Variants in TTBK2 observed in about 807,000 individuals in gnomAD.
TTBK2 encodes tau-tubulin kinase 2.
A neutral mutation model predicts 110.8 loss-of-function variants in TTBK2; 28 were observed. That is an observed-to-expected ratio of 0.25 (90% CI 0.19 to 0.35). The LOEUF (loss-of-function observed/expected upper bound fraction) is 0.35, where lower values mean the gene tolerates loss of function less well. TTBK2 is among the 10% of genes least tolerant of loss of function. The pLI is 1.00. For missense variants in TTBK2, 1,369 were observed against 1,500.3 expected (o/e 0.91, Z 1.45); for synonymous variants, 532 against 527.3 (o/e 1.01, Z -0.12).
chr15:42,888,713 A>T (rs1053413609), intron 1 of TTBK2, among the ~76,000 whole-genome samples: 1 of 152,076 alleles, frequency 6.6e-6, no homozygotes, highest in Non-Finnish European at 1.5e-5. Context: ...GTCCTCCATC[A>T]TTGATGTCTC....
chr15:42,811,883 T>C (rs568787346), intron 7 of TTBK2, 103 bp from the exon 8 acceptor site: 66 of 968,652 alleles, frequency 6.8e-5, no homozygotes, highest in South Asian at 1.2e-4. Context: ...AGGCTAAAAA[T>C]GTAAATTTAT....
chr15:42,787,919 A>G (rs1156403909), intron 10 of TTBK2, among the ~76,000 whole-genome samples: 2 of 152,100 alleles, frequency 1.3e-5, no homozygotes, highest in Non-Finnish European at 2.9e-5. Context: ...AAAAAACTAT[A>G]TTGTATAGCC....
At chr15:42,748,452 G>A (rs970778687) in intron 14 of TTBK2, among the ~76,000 whole-genome samples, 14 of 151,234 alleles carry the variant, frequency 9.3e-5, no homozygotes, top group East Asian at 5.8e-4. Context: ...GCAAGATTCC[G>A]TCTCAAAAGA....
Position 42,752,071 on chromosome 15 carries a change from A to G in TTBK2, c.3175T>C (p.Trp1059Arg). ...RKSKIPRPVSWVNTDQVNSST... is the reference protein window; with the variant it reads ...RKSKIPRPVSRVNTDQVNSST... ...CTATTGACCTGATCTGTGTTGACCC[A>G]TGAAACTGGCCTTGGAATTTTGCTC... Residue 1059 changes from tryptophan (W) to arginine (R), a missense_variant, in exon 14 of 15, where the codon TGG becomes CGG. Coordinates refer to ENST00000267890, the MANE Select transcript of TTBK2 (RefSeq NM_173500.4). The G allele has an allele frequency of 6.2e-7, 1 of 1,614,232 alleles. No homozygotes were observed. Among genetic ancestry groups the G allele is most frequent in the Non-Finnish European group, 8.5e-7 (1 of 1,180,038 alleles).
At chr15:42,803,698 T>G (rs992598755) in intron 9 of TTBK2, among the ~76,000 whole-genome samples, 3 of 152,078 alleles carry the variant, frequency 2.0e-5, no homozygotes, top group Non-Finnish European at 4.4e-5. Flanking sequence ...ATAAAAGAAG[T>G]TCTATTAACA....
intron 13 of TTBK2, among the ~76,000 whole-genome samples, chr15:42,758,654 C>CAAAAAAAA (rs59064527): frequency 1.5e-5 from 1 of 66,474 alleles, no homozygotes; most frequent in Admixed American, 1.8e-4. Context: ...GATTCCATCT[C>CAAAAAAAA]AAAAAAAAAA....
chr15:42,874,458 A>C (rs1894733483), intron 2 of TTBK2, among the ~76,000 whole-genome samples: 1 of 151,790 alleles, frequency 6.6e-6, no homozygotes, highest in Non-Finnish European at 1.5e-5. Flanking sequence ...CTGGGATTAC[A>C]GGTGTGCACC....
intron 10 of TTBK2, among the ~76,000 whole-genome samples, chr15:42,792,023 G>A (rs1890710876): frequency 1.3e-5 from 2 of 152,082 alleles, no homozygotes; most frequent in Admixed American, 1.3e-4. Context: ...TGTAATTCCA[G>A]CTACTCGGAA....
intron 7 of TTBK2, among the ~76,000 whole-genome samples, chr15:42,814,261 T>C (rs1404604363): frequency 1.3e-5 from 2 of 152,250 alleles, no homozygotes; most frequent in Non-Finnish European, 2.9e-5. Flanking sequence ...GTCCTTGTAT[T>C]ATTTAAGAAT....
At position 42,739,812 on chromosome 15, in the gene TTBK2, C is replaced by A. The variant is rs983815271; in HGVS notation, c.*5983G>T. ...TCAAGTTCTGGTAGCCTTGTTTACCCCTTGTAGGCGAGTGAAGAATGCCCA... is the reference window on the plus strand; with the variant it reads ...TCAAGTTCTGGTAGCCTTGTTTACCACTTGTAGGCGAGTGAAGAATGCCCA... On this transcript the variant is annotated 3_prime_UTR_variant, in exon 15 of 15. Transcript: ENST00000267890. 1.3e-5 allele frequency: 2 copies of A among 152,144 alleles called. No individual in the cohort carries two copies. Among genetic ancestry groups the A allele is most frequent in the African/African-American group, 4.8e-5 (2 of 41,440 alleles). 9.4% of individuals were successfully genotyped at this position (152,144 alleles called of 1,614,324 possible). A position where few individuals can be genotyped will look rare whatever the true frequency, so the allele number is the denominator to read the frequency against.
At chr15:42,821,660 G>T (rs941777361) in intron 6 of TTBK2, among the ~76,000 whole-genome samples, 2 of 150,176 alleles carry the variant, frequency 1.3e-5, no homozygotes, top group African/African-American at 4.9e-5. Flanking sequence ...GTAGGCAGTG[G>T]TATCTTGCCA....
intron 5 of TTBK2, among the ~76,000 whole-genome samples, chr15:42,829,366 AT>A (rs1400703158): frequency 1.3e-5 from 2 of 152,208 alleles, no homozygotes; most frequent in African/African-American, 2.4e-5. Context: ...ATTTCTTATA[AT>A]TTTTGACTTA....
intron 7 of TTBK2, 85 bp downstream of exon 7, chr15:42,816,945 TAA>T: frequency 2.2e-6 from 1 of 462,912 alleles, no homozygotes; most frequent in Non-Finnish European, 3.0e-6. Context: ...TATATATATA[TAA>T]AATAATAATA....
At position 42,743,280 on chromosome 15, in the gene TTBK2, A is replaced by G. The variant is rs559975620; in HGVS notation, c.*2515T>C. 4.6e-5 allele frequency: 7 copies of G among 152,366 alleles called. No homozygotes were observed. Among genetic ancestry groups the G allele is most frequent in the Admixed American group, 1.3e-4 (2 of 15,310 alleles). The allele number at this position is 152,366 out of a possible 1,614,324, so 9.4% of individuals were successfully genotyped here. A position where few individuals can be genotyped will look rare whatever the true frequency, so the allele number is the denominator to read the frequency against. ...GGGACAACACACTAGAAAAGTTGAG[A>G]TAAAAATGGAAGGAACCAAGAAAGA... On this transcript the variant is annotated 3_prime_UTR_variant, in exon 15 of 15. Coordinates refer to ENST00000267890, the MANE Select transcript of TTBK2 (RefSeq NM_173500.4).
Position 42,811,723 on chromosome 15 carries a change from C to G in TTBK2, c.661G>C (p.Val221Leu). Residue 221 changes from valine to leucine, a missense_variant, in exon 8 of 15, where the codon GTT (valine) becomes CTT (leucine). By Grantham distance (32) the Val-to-Leu change is conservative. Around this residue, in one of 4 missense-constraint regions of TTBK2, gnomAD observed 138 missense variants for 179.0 expected, o/e 0.77. Transcript: ENST00000267890. ...SLFYMLVEFVVGQLPWRKIKD... is the reference protein window; with the variant it reads ...SLFYMLVEFVLGQLPWRKIKD... ...ATTTTTCTCCAGGGCAGCTGACCAA[C>G]CACAAACTCCACCAACATGTAGAAT... 6.2e-7 allele frequency: 1 copy of G among 1,613,708 alleles called. No individual in the cohort carries two copies. The highest frequency in any genetic ancestry group is 8.5e-7 in the Non-Finnish European group (1 of 1,179,802).
At chr15:42,831,309 T>A (rs1243712789) in intron 4 of TTBK2, among the ~76,000 whole-genome samples, 1 of 152,192 alleles carries the variant, frequency 6.6e-6, no homozygotes, top group East Asian at 1.9e-4. Context: ...TTGTCTCCCA[T>A]CTCAGCCTCC....
chr15:42,840,715 A>T, intron 3 of TTBK2: 1 of 469,782 alleles, frequency 2.1e-6, no homozygotes, highest in Non-Finnish European at 3.9e-6. Context: ...GGAGGAAAAG[A>T]TTAAGTGGTC....
chr15:42,745,665 A>T lies in TTBK2; in HGVS notation c.*130T>A. 1.8e-6 allele frequency: 2 copies of T among 1,119,106 alleles called. No individual in the cohort carries two copies. The highest frequency in any genetic ancestry group is 2.7e-6 in the Non-Finnish European group (2 of 742,140). 69.3% of individuals were successfully genotyped at this position (1,119,106 alleles called of 1,614,324 possible). ...TCATGTATTATGTCTTCTTATAAAT[A>T]ATTGATCATGTTACTTTCTTTTGCA... On this transcript the variant is annotated 3_prime_UTR_variant, in exon 15 of 15. Transcript: ENST00000267890.
chr15:42,912,248 C>T (rs2030801230), intron 1 of TTBK2, among the ~76,000 whole-genome samples: 1 of 152,150 alleles, frequency 6.6e-6, no homozygotes. Flanking sequence ...GGCACCCCTT[C>T]AGGAGCTGGA....
Sources: gnomAD v4.1 joint callset for allele counts (sites outside exome capture counted in the v4.1 genomes callset) on GRCh38, gnomAD v4.1.1 for gene constraint, gnomAD v4.1.1 regional missense constraint, MANE v1.5 for transcripts, NCBI Gene and HGNC (gene_info 2026-07-23, HGNC 2026-07-21) for gene names.